STK10: variants seen among roughly 807,000 people sequenced by gnomAD.
STK10 encodes the protein serine/threonine kinase 10, also known as serine/threonine-protein kinase 10.
STK10 carries 78 observed loss-of-function variants against 113.8 expected under a neutral mutation model. That is an observed-to-expected ratio of 0.69 (90% CI 0.57 to 0.83). STK10 has a LOEUF of 0.83. STK10 is among the 40% of genes least tolerant of loss of function. The pLI is 0.00. For missense variants in STK10, 1,109 were observed against 1,280.1 expected (o/e 0.87, Z 2.04); for synonymous variants, 465 against 494.7 (o/e 0.94, Z 0.80).
chr5:172,102,236 C>T (rs11955473), intron 7 of STK10, among the ~76,000 whole-genome samples: 5,635 of 152,112 alleles, frequency 0.037, 349 homozygotes, highest in African/African-American at 0.13. Flanking sequence ...AGGCACGTAC[C>T]GAATGCAGGG....
At chr5:172,062,901 T>C (rs1308015123) in intron 13 of STK10, among the ~76,000 whole-genome samples, 4 of 152,228 alleles carry the variant, frequency 2.6e-5, no homozygotes, top group African/African-American at 9.6e-5. Flanking sequence ...CTTTATGTTA[T>C]GACTATTTTA....
In STK10 at chr5:172,054,443, C is replaced by T. The variant is rs73801809; in HGVS notation, c.2652+126G>A. 3.1e-3 allele frequency: 4,278 copies of T among 1,383,908 alleles called. 122 individuals carry two copies. The African/African-American group carries it at 0.055, about 18-fold the overall frequency. The allele number at this position is 1,383,908 out of a possible 1,614,324, so 85.7% of individuals were successfully genotyped here. A position where few individuals can be genotyped will look rare whatever the true frequency, so the allele number is the denominator to read the frequency against. Reference sequence around the variant, plus strand: ...AGAGCAGCATGGCAGGGCTGGAAACCATCCATCCCGGGCGTGTCTGATGAA... The same window carrying T: ...AGAGCAGCATGGCAGGGCTGGAAACTATCCATCCCGGGCGTGTCTGATGAA... On this transcript the variant is annotated intron_variant, in intron 17 of 18. Transcript: ENST00000176763.
At chr5:172,149,771 C>T (rs1489229393) in intron 2 of STK10, among the ~76,000 whole-genome samples, 4 of 152,288 alleles carry the variant, frequency 2.6e-5, no homozygotes, top group Middle Eastern at 3.4e-3. Flanking sequence ...TTGGGCCGGG[C>T]GCGGTGGCTC....
intron 2 of STK10, among the ~76,000 whole-genome samples, chr5:172,154,679 G>A (rs1002247292): frequency 1.3e-5 from 2 of 152,216 alleles, no homozygotes; most frequent in Admixed American, 1.3e-4. Flanking sequence ...ATTTAGGGAC[G>A]GAAAAGTCTA....
At chr5:172,055,478 G>A in intron 16 of STK10, 110 bp downstream of exon 16, 2 of 1,139,856 alleles carry the variant, frequency 1.8e-6, no homozygotes, top group East Asian at 3.2e-5. Flanking sequence ...ACGTGAGCCA[G>A]CCTGCATCTT....
chr5:172,132,464 C>G (rs772869159), intron 2 of STK10, among the ~76,000 whole-genome samples: 1 of 151,850 alleles, frequency 6.6e-6, no homozygotes, highest in Admixed American at 6.6e-5. Flanking sequence ...CGTGCCCACC[C>G]GTGATGAAGG....
chr5:172,049,761 C>T (rs796595706), intron 18 of STK10, among the ~76,000 whole-genome samples: 2 of 152,304 alleles, frequency 1.3e-5, no homozygotes, highest in African/African-American at 4.8e-5. Context: ...CCCCTCCTAA[C>T]TGAATGGGTA....
At chr5:172,128,475 C>T (rs1168293571) in intron 2 of STK10, among the ~76,000 whole-genome samples, 1 of 151,956 alleles carries the variant, frequency 6.6e-6, no homozygotes, top group African/African-American at 2.4e-5. Flanking sequence ...GGATTAAAGG[C>T]ACCTGCCACC....
At chr5:172,054,375 G>A (rs1767698478) in intron 17 of STK10, among the ~76,000 whole-genome samples, 194 bp downstream of exon 17, 1 of 152,194 alleles carries the variant, frequency 6.6e-6, no homozygotes, top group African/African-American at 2.4e-5. Flanking sequence ...TGAGAGCTAT[G>A]GCTTAGGAGG....
At chr5:172,134,121 C>T (rs1189688161) in intron 2 of STK10, among the ~76,000 whole-genome samples, 2 of 152,196 alleles carry the variant, frequency 1.3e-5, no homozygotes, top group Admixed American at 1.3e-4. Context: ...GAGGCCTGGA[C>T]CCTGGGACCA....
chr5:172,115,612 C>T (rs1219739124), intron 4 of STK10, among the ~76,000 whole-genome samples: 1 of 152,140 alleles, frequency 6.6e-6, no homozygotes, highest in Non-Finnish European at 1.5e-5. Flanking sequence ...TTATCATTTG[C>T]CACTAAGAGA....
chr5:172,052,771 T>C (rs1292888879), intron 18 of STK10, among the ~76,000 whole-genome samples, 158 bp downstream of exon 18: 11 of 152,078 alleles, frequency 7.2e-5, no homozygotes. Flanking sequence ...CCACAAAGGG[T>C]TAGAAAGTTC....
chr5:172,172,857 G>C (rs1398266013), intron 1 of STK10, among the ~76,000 whole-genome samples: 3 of 152,124 alleles, frequency 2.0e-5, no homozygotes, highest in Non-Finnish European at 4.4e-5. Flanking sequence ...GCACGTGCCT[G>C]TAATTCCAGC....
chr5:172,136,829 A>ATT (rs56159871), intron 2 of STK10, among the ~76,000 whole-genome samples: 7 of 147,338 alleles, frequency 4.8e-5, no homozygotes, highest in African/African-American at 1.5e-4. Flanking sequence ...ATTATTATCT[A>ATT]TTTTTTTTTT....
chr5:172,159,648 C>T (rs1770426654), intron 1 of STK10, among the ~76,000 whole-genome samples: 1 of 151,596 alleles, frequency 6.6e-6, no homozygotes. Context: ...ATGGTGAAAC[C>T]TCATTTCTAC....
intron 12 of STK10, among the ~76,000 whole-genome samples, chr5:172,067,232 C>T (rs1394071653): frequency 6.6e-6 from 1 of 152,144 alleles, no homozygotes; most frequent in Non-Finnish European, 1.5e-5. Context: ...GCCAGTGCAC[C>T]TGTAGTCTCA....
chr5:172,106,827 A>G lies in STK10; in HGVS notation c.594-13T>C. ...CTCGGGGGCCATCCTGAACCAACCA[A>G]GGGACAACATAGGGCTAAGAATCTG... On this transcript the variant is annotated splice_polypyrimidine_tract_variant and intron_variant, in intron 5 of 18. Coordinates refer to ENST00000176763, the MANE Select transcript of STK10 (RefSeq NM_005990.4). The G allele has an allele frequency of 1.2e-6, 2 of 1,612,000 alleles. No individual in the cohort carries two copies. Among genetic ancestry groups the G allele is most frequent in the Non-Finnish European group, 1.7e-6 (2 of 1,178,572 alleles).
At chr5:172,100,372 T>C (rs1025278368) in intron 7 of STK10, among the ~76,000 whole-genome samples, 2 of 152,186 alleles carry the variant, frequency 1.3e-5, no homozygotes, top group Non-Finnish European at 2.9e-5. Context: ...AGCTGCTCTC[T>C]AGCCAGGGCC....
At chr5:172,182,820 G>A (rs1165210679) in intron 1 of STK10, among the ~76,000 whole-genome samples, 1 of 152,006 alleles carries the variant, frequency 6.6e-6, no homozygotes. Flanking sequence ...TCAAAGTGCT[G>A]AGATTACAGG....
Sources: gnomAD v4.1 joint callset for allele counts (sites outside exome capture counted in the v4.1 genomes callset) on GRCh38, gnomAD v4.1.1 for gene constraint, MANE v1.5 for transcripts, NCBI Gene and HGNC (gene_info 2026-07-23, HGNC 2026-07-21) for gene names.